DIAPH3: variants seen among roughly 807,000 people sequenced by gnomAD.
DIAPH3 encodes the protein protein diaphanous homolog 3.
Under a neutral mutation model 144.3 loss-of-function variants are expected in DIAPH3, and 117 were observed. The ratio of observed to expected loss-of-function variants is 0.81; its 90% CI spans 0.70 to 0.95. The LOEUF (loss-of-function observed/expected upper bound fraction) is 0.95, where lower values mean the gene tolerates loss of function less well. DIAPH3 is among the 40% of genes least tolerant of loss of function. The pLI, the probability that DIAPH3 is intolerant of heterozygous loss-of-function variation, is 0.00. For missense variants in DIAPH3, 1,421 were observed against 1,412.7 expected (o/e 1.01, Z -0.09); for synonymous variants, 519 against 488.9 (o/e 1.06, Z -0.81).
At position 59,666,646 on chromosome 13, in the gene DIAPH3, A is replaced by G; in HGVS notation, c.3520T>C (p.Phe1174Leu). ...RKKETELLGS[F>L]SKNESVPEVE... is the part of the protein sequence containing the mutation. The stretch of plus-strand genomic sequence containing the variant: ...TCGGGAACTGATTCATTTTTAGAAA[A>G]AGAGCCAAGAAGTTCCGTTTCCTTT... The change falls in exon 28 of 28, where the codon TTT (phenylalanine) becomes CTT (leucine). Residue 1174 changes from phenylalanine to leucine, a missense_variant. By Grantham distance (22) the Phe-to-Leu change is conservative. Coordinates refer to ENST00000400324, the MANE Select transcript of DIAPH3 (RefSeq NM_001042517.2). 4.3e-6 allele frequency: 7 copies of G among 1,614,130 alleles called. No homozygotes were observed. Among genetic ancestry groups the G allele is most frequent in the Non-Finnish European group, 5.9e-6 (7 of 1,179,996 alleles).
intron 20 of DIAPH3, among the ~76,000 whole-genome samples, chr13:59,900,631 CA>C (rs1018434959): frequency 6.6e-6 from 1 of 152,146 alleles, no homozygotes; most frequent in African/African-American, 2.4e-5. Flanking sequence ...GTAAGGTTTG[CA>C]TATTTCACCT....
intron 9 of DIAPH3, among the ~76,000 whole-genome samples, chr13:59,995,049 C>A (rs964859903): frequency 1.3e-5 from 2 of 151,620 alleles, no homozygotes; most frequent in Admixed American, 1.3e-4. Flanking sequence ...TTACAAGAGG[C>A]CTCCCACTTT....
intron 21 of DIAPH3, among the ~76,000 whole-genome samples, chr13:59,862,577 G>A (rs1486206198): frequency 1.3e-5 from 2 of 152,148 alleles, no homozygotes; most frequent in Non-Finnish European, 2.9e-5. Context: ...CAGAAATGAT[G>A]AGAAACAGAT....
intron 17 of DIAPH3, among the ~76,000 whole-genome samples, chr13:59,938,329 C>T (rs1354073490): frequency 3.9e-5 from 6 of 152,266 alleles, no homozygotes; most frequent in South Asian, 2.1e-4. Flanking sequence ...TTATAACACC[C>T]GGCTTGCAGT....
chr13:59,827,137 C>G (rs887737608), intron 24 of DIAPH3, among the ~76,000 whole-genome samples: 4 of 152,186 alleles, frequency 2.6e-5, no homozygotes, highest in African/African-American at 9.6e-5. Context: ...GACTTCATGT[C>G]TAAAACACCA....
chr13:60,076,343 C>A (rs956423162), intron 4 of DIAPH3, among the ~76,000 whole-genome samples: 6 of 152,106 alleles, frequency 3.9e-5, no homozygotes, highest in Non-Finnish European at 7.4e-5. Context: ...CCCCCTCTGT[C>A]GATCTTCCAT....
chr13:59,820,009 T>C (rs1335891800), intron 24 of DIAPH3, among the ~76,000 whole-genome samples: 1 of 121,356 alleles, frequency 8.2e-6, no homozygotes, highest in Non-Finnish European at 1.7e-5. Context: ...ACATAAATTT[T>C]AGCCCTATAT....
intron 1 of DIAPH3, 151 bp from the exon 2 acceptor site, chr13:60,133,140 A>C: frequency 3.4e-6 from 2 of 588,542 alleles, no homozygotes; most frequent in Non-Finnish European, 5.9e-6. Flanking sequence ...AATCGTTTTA[A>C]TCTCTTTCTC....
At position 59,970,008 on chromosome 13, in the gene DIAPH3, T is replaced by G. The variant is rs2050265171; in HGVS notation, c.2010A>C (p.Glu670Asp). The G allele has an allele frequency of 9.3e-6, 15 of 1,609,494 alleles. No individual in the cohort carries two copies. Among genetic ancestry groups the G allele is most frequent in the Non-Finnish European group, 1.3e-5 (15 of 1,177,324 alleles). Residue 670 changes from glutamate (E) to aspartate (D), a missense_variant, in exon 17 of 28, where the codon GAA becomes GAC. Transcript: ENST00000400324. ...TENCFWIKVN[E>D]NKYENVDLLC... ...GCAAATCCACGTTTTCATACTTATT[T>G]TCATTTACTTTTATCCAGAAACAGT...
intron 3 of DIAPH3, among the ~76,000 whole-genome samples, chr13:60,101,982 GC>G (rs2058281120): frequency 6.6e-6 from 1 of 151,940 alleles, no homozygotes; most frequent in Admixed American, 6.5e-5. Context: ...TCAAACCTTA[GC>G]TATTTTCAGG....
Position 59,971,132 on chromosome 13 carries a change from A to G in DIAPH3, c.1679T>C (p.Ile560Thr). Residue 560 changes from isoleucine (I) to threonine (T), a missense_variant, in exon 16 of 28, where the codon ATT becomes ACT. Transcript: ENST00000400324. ...QFGALPADCN[I>T]PLPPSKEGGT... The stretch of plus-strand genomic sequence containing the variant: ...ACCTTCTTTAGAGGGAGGCAAAGGA[A>G]TATTACAATCAGCTGGCAAGGCACC... 1 of 1,595,474 alleles carries G rather than the reference A, an allele frequency of 6.3e-7. No individual in the cohort carries two copies. The highest frequency in any genetic ancestry group is 8.5e-7 in the Non-Finnish European group (1 of 1,170,128).
intron 9 of DIAPH3, among the ~76,000 whole-genome samples, chr13:60,003,450 T>C (rs951170558): frequency 9.9e-5 from 15 of 151,808 alleles, no homozygotes; most frequent in African/African-American, 3.4e-4. Flanking sequence ...AAGTAATGTA[T>C]GCTTATTTTA....
intron 27 of DIAPH3, among the ~76,000 whole-genome samples, chr13:59,756,456 G>GGAAA (rs2037271096): frequency 9.4e-6 from 1 of 106,494 alleles, no homozygotes; most frequent in South Asian, 2.8e-4. Flanking sequence ...AAGGAAGGAA[G>GGAAA]GAAGGAAGGA....
Position 59,800,934 on chromosome 13 carries a change from AAT to A in DIAPH3, c.3163+9852_3163+9853del, listed in dbSNP as rs551338174. 5.8e-3 allele frequency among the ~76,000 whole-genome samples: 888 copies of A among 152,342 alleles called. 4 individuals carry two copies. Among genetic ancestry groups the A allele is most frequent in the Non-Finnish European group, 0.01 (681 of 68,010 alleles). On this transcript the variant is annotated intron_variant, in intron 25 of 27. Coordinates refer to ENST00000400324, the MANE Select transcript of DIAPH3 (RefSeq NM_001042517.2). ...AAAGTATCCCATGCGTTCAAGAAAT[AAT>A]GAGTGACTACTATCAAAAGGCACTG...
Position 59,994,374 on chromosome 13 carries a change from C to T in DIAPH3, c.1015-1791G>A, listed in dbSNP as rs116135205. Among the ~76,000 whole-genome samples, 141 of 151,968 alleles carry T rather than the reference C, an allele frequency of 9.3e-4. 2 individuals carry two copies. Among genetic ancestry groups the T allele is most frequent in the African/African-American group, 3.3e-3 (137 of 41,514 alleles). Reference sequence around the variant, plus strand: ...TGTAGGTTTTATACATAATGAGATACATACCTGCGGTATCACACAATTTCA... The same window carrying T: ...TGTAGGTTTTATACATAATGAGATATATACCTGCGGTATCACACAATTTCA... On this transcript the variant is annotated intron_variant, in intron 9 of 27. Transcript: ENST00000400324.
chr13:59,826,196 G>A (rs892506607), intron 24 of DIAPH3, among the ~76,000 whole-genome samples: 55 of 148,964 alleles, frequency 3.7e-4, no homozygotes, highest in African/African-American at 1.3e-3. Context: ...TTAGGCAGGA[G>A]AAGGAAATAA....
At chr13:59,758,131 A>T (rs764801938) in intron 27 of DIAPH3, among the ~76,000 whole-genome samples, 5 of 152,256 alleles carry the variant, frequency 3.3e-5, no homozygotes, top group African/African-American at 7.2e-5. Context: ...ATAAACTGGT[A>T]CAACTATTTT....
At chr13:59,754,829 C>G (rs1235697888) in intron 27 of DIAPH3, among the ~76,000 whole-genome samples, 1 of 152,052 alleles carries the variant, frequency 6.6e-6, no homozygotes, top group Non-Finnish European at 1.5e-5. Context: ...TTGCTATGTG[C>G]TAGGTTGTAC....
chr13:59,677,486 T>C (rs111679203), intron 27 of DIAPH3, among the ~76,000 whole-genome samples: 3,017 of 152,282 alleles, frequency 0.02, 98 homozygotes, highest in African/African-American at 0.068. Flanking sequence ...TATTATCACT[T>C]TGACATATAT....
Sources: gnomAD v4.1 joint callset for allele counts (sites outside exome capture counted in the v4.1 genomes callset) on GRCh38, gnomAD v4.1.1 for gene constraint, MANE v1.5 for transcripts, NCBI Gene and HGNC (gene_info 2026-07-23, HGNC 2026-07-21) for gene names.